ATF7: variants seen among roughly 807,000 people sequenced by gnomAD.
ATF7 encodes activating transcription factor 7, also known as cyclic AMP-dependent transcription factor ATF-7.
ATF7 carries 10 observed loss-of-function variants against 50.4 expected under a neutral mutation model. That is an observed-to-expected ratio of 0.20 (90% CI 0.12 to 0.34). The LOEUF is 0.34. Among genes scored for constraint, ATF7 ranks in the 10% least tolerant of loss-of-function variants. The pLI is 1.00. For missense variants in ATF7, 465 were observed against 613.9 expected (o/e 0.76, Z 2.56); for synonymous variants, 201 against 226.4 (o/e 0.89, Z 1.01).
intron 1 of ATF7, among the ~76,000 whole-genome samples, chr12:53,623,971 C>T (rs1191939543): frequency 6.6e-5 from 10 of 152,140 alleles, no homozygotes. Flanking sequence ...AGGGTGTAAA[C>T]TTTGATCCAC....
At chr12:53,622,512 T>C (rs1944428016) in intron 1 of ATF7, among the ~76,000 whole-genome samples, 1 of 151,752 alleles carries the variant, frequency 6.6e-6, no homozygotes, top group Non-Finnish European at 1.5e-5. Context: ...TCCCAGCTAC[T>C]CGGGAGGTTG....
intron 2 of ATF7, among the ~76,000 whole-genome samples, chr12:53,593,457 T>C (rs1943030994): frequency 6.6e-6 from 1 of 152,174 alleles, no homozygotes; most frequent in Non-Finnish European, 1.5e-5. Flanking sequence ...AGCTTAAGTT[T>C]GCCCAGTCAC....
chr12:53,591,735 G>A (rs1031846707), intron 2 of ATF7, among the ~76,000 whole-genome samples: 11 of 152,176 alleles, frequency 7.2e-5, no homozygotes, highest in African/African-American at 2.7e-4. Context: ...TTTTGCCACA[G>A]GATGATTCTC....
intron 3 of ATF7, among the ~76,000 whole-genome samples, chr12:53,547,206 G>C (rs972243197): frequency 4.0e-5 from 6 of 149,496 alleles, no homozygotes; most frequent in African/African-American, 1.5e-4. Context: ...GGATGGTCTC[G>C]ATCTCCTGAC....
At chr12:53,550,112 C>T (rs1050407186) in intron 3 of ATF7, among the ~76,000 whole-genome samples, 2 of 151,852 alleles carry the variant, frequency 1.3e-5, no homozygotes, top group Admixed American at 1.3e-4. Flanking sequence ...CATTCGAGGC[C>T]AGGAGTTCAA....
At chr12:53,549,567 C>A (rs1235419065) in intron 3 of ATF7, among the ~76,000 whole-genome samples, 1 of 151,938 alleles carries the variant, frequency 6.6e-6, no homozygotes, top group Non-Finnish European at 1.5e-5. Flanking sequence ...CCATGCCAGG[C>A]TAATTTTGTA....
intron 2 of ATF7, among the ~76,000 whole-genome samples, chr12:53,562,584 G>A (rs887105995): frequency 7.9e-5 from 12 of 151,762 alleles, no homozygotes; most frequent in African/African-American, 2.7e-4. Flanking sequence ...CCGGTGAGCC[G>A]AGATTGTGCC....
chr12:53,585,879 C>T (rs762163790), intron 2 of ATF7, among the ~76,000 whole-genome samples: 4 of 152,086 alleles, frequency 2.6e-5, no homozygotes, highest in African/African-American at 4.8e-5. Context: ...TCTGACAAGC[C>T]GATTACTGTC....
At chr12:53,537,680 T>C in intron 4 of ATF7, 128 bp from the exon 5 acceptor site, 1 of 1,073,926 alleles carries the variant, frequency 9.3e-7, no homozygotes, top group Non-Finnish European at 1.3e-6. Context: ...TGCACTGAAC[T>C]GCATGTCAAA....
intron 8 of ATF7, 49 bp downstream of exon 8, chr12:53,532,461 C>T (rs764636975): frequency 5.6e-6 from 8 of 1,430,572 alleles, no homozygotes; most frequent in Non-Finnish European, 7.7e-6. Context: ...CTGGTATCAC[C>T]CACTTCTTTC....
chr12:53,577,809 T>C (rs1555221477), intron 2 of ATF7, among the ~76,000 whole-genome samples: 1 of 149,680 alleles, frequency 6.7e-6, no homozygotes, highest in Non-Finnish European at 1.5e-5. Flanking sequence ...ACTAAAAATG[T>C]CCCCCCAAAT....
chr12:53,601,211 A>C (rs905579273), intron 1 of ATF7, among the ~76,000 whole-genome samples, 190 bp from the exon 2 acceptor site: 1 of 152,208 alleles, frequency 6.6e-6, no homozygotes, highest in Non-Finnish European at 1.5e-5. Flanking sequence ...TCTCAACTGA[A>C]ACTTTTAATT....
Position 53,523,336 on chromosome 12 carries a change from G to C in ATF7, c.1174C>G (p.Leu392Val). 1 of 1,614,092 alleles carries C rather than the reference G, an allele frequency of 6.2e-7. No homozygotes were observed. The highest frequency in any genetic ancestry group is 1.1e-5 in the South Asian group (1 of 91,090). Reference protein sequence around the residue: ...RNEVAQLKQLLLAHKDCPVTA... With the variant: ...RNEVAQLKQLVLAHKDCPVTA... The stretch of plus-strand genomic sequence containing the variant: ...ACTGGGCAGTCTTTATGAGCTAACA[G>C]TAGCTGTTTCAACTGGGCCACCTCA... The change falls in exon 11 of 12, where the codon CTG (leucine) becomes GTG (valine). Residue 392 changes from leucine to valine, a missense_variant. Transcript: ENST00000420353.
At chr12:53,602,628 G>A (rs1398078496) in intron 1 of ATF7, among the ~76,000 whole-genome samples, 1 of 152,134 alleles carries the variant, frequency 6.6e-6, no homozygotes, top group Non-Finnish European at 1.5e-5. Flanking sequence ...GAGCCTATAC[G>A]TACATACATG....
At chr12:53,582,870 C>T (rs947622650) in intron 2 of ATF7, among the ~76,000 whole-genome samples, 1 of 152,166 alleles carries the variant, frequency 6.6e-6, no homozygotes, top group African/African-American at 2.4e-5. Context: ...AGGCGTGAGC[C>T]ACCGCACCTG....
At chr12:53,576,912 C>A (rs534848933) in intron 2 of ATF7, among the ~76,000 whole-genome samples, 1 of 151,964 alleles carries the variant, frequency 6.6e-6, no homozygotes, top group Non-Finnish European at 1.5e-5. Context: ...AAAAGTTAGT[C>A]GGGCATGGTT....
At chr12:53,602,950 A>G (rs1290695594) in intron 1 of ATF7, among the ~76,000 whole-genome samples, 1 of 152,222 alleles carries the variant, frequency 6.6e-6, no homozygotes, top group Admixed American at 6.5e-5. Context: ...CTCTGCAAAA[A>G]TTCCTAACTC....
intron 2 of ATF7, among the ~76,000 whole-genome samples, chr12:53,577,600 C>T (rs1175350197): frequency 1.3e-5 from 2 of 151,656 alleles, no homozygotes; most frequent in African/African-American, 4.8e-5. Context: ...CCTGTAATCC[C>T]AGCTACTCGG....
At chr12:53,561,591 G>C (rs1048600433) in intron 2 of ATF7, among the ~76,000 whole-genome samples, 3 of 152,090 alleles carry the variant, frequency 2.0e-5, no homozygotes, top group African/African-American at 7.2e-5. Context: ...GGGAAAGCAG[G>C]GAAAGGGAGA....
Sources: allele counts gnomAD v4.1 joint callset (sites outside exome capture counted in the v4.1 genomes callset), GRCh38; gene constraint gnomAD v4.1.1; transcripts MANE v1.5; gene names NCBI Gene and HGNC (gene_info 2026-07-23, HGNC 2026-07-21).